The following EPHA6 variants were observed in gnomAD, a reference collection of about 807,000 sequenced individuals.
EPHA6 encodes the protein ephrin type-A receptor 6.
Under a neutral mutation model 112.0 loss-of-function variants are expected in EPHA6, and 50 were observed. The observed-to-expected ratio is 0.45, with a 90% CI of 0.36 to 0.56. The LOEUF (loss-of-function observed/expected upper bound fraction) is 0.56, where lower values mean the gene tolerates loss of function less well. EPHA6 is among the 20% of genes least tolerant of loss of function. The probability of loss-of-function intolerance (pLI) is 0.00; values close to 1 mark genes in which losing one functional copy is unlikely to be tolerated. For missense variants in EPHA6, 1,280 were observed against 1,417.4 expected, an observed-to-expected ratio of 0.90 and a Z score of 1.56; for synonymous variants, 529 against 490.7, an observed-to-expected ratio of 1.08 and a Z score of -1.03.
intron 5 of EPHA6, among the ~76,000 whole-genome samples, chr3:97,344,166 G>A (rs1265627608): frequency 1.3e-5 from 2 of 152,034 alleles, no homozygotes; most frequent in African/African-American, 4.8e-5. Context: ...ATTTAAATGA[G>A]ACTTTGGACT....
intron 2 of EPHA6, among the ~76,000 whole-genome samples, chr3:96,942,326 C>A (rs2041008055): frequency 6.6e-6 from 1 of 152,198 alleles, no homozygotes; most frequent in Non-Finnish European, 1.5e-5. Context: ...AGGCACCCCT[C>A]CCCCAGCCTT....
chr3:97,551,387 T>C (rs1334840322), intron 11 of EPHA6, among the ~76,000 whole-genome samples: 7 of 152,154 alleles, frequency 4.6e-5, no homozygotes, highest in Non-Finnish European at 1.0e-4. Context: ...GACATTTTCA[T>C]TGGGTTATAT....
intron 3 of EPHA6, among the ~76,000 whole-genome samples, chr3:96,999,237 G>A (rs1300788911): frequency 6.6e-6 from 1 of 151,758 alleles, no homozygotes; most frequent in Admixed American, 6.6e-5. Flanking sequence ...TTTTTTATTT[G>A]AAAAGTTTGT....
chr3:97,526,140 G>A (rs978130425), intron 10 of EPHA6, among the ~76,000 whole-genome samples: 2 of 152,154 alleles, frequency 1.3e-5, no homozygotes, highest in Non-Finnish European at 2.9e-5. Context: ...AAAAAGGTGG[G>A]GGCCAATTTA....
intron 13 of EPHA6, among the ~76,000 whole-genome samples, chr3:97,634,616 G>C (rs1056739430): frequency 6.6e-6 from 1 of 151,996 alleles, no homozygotes; most frequent in Non-Finnish European, 1.5e-5. Context: ...ACTCCCTAGG[G>C]AATGCTCTTG....
chr3:96,923,157 G>A (rs756705831), intron 2 of EPHA6, among the ~76,000 whole-genome samples: 1 of 152,128 alleles, frequency 6.6e-6, no homozygotes, highest in African/African-American at 2.4e-5. Flanking sequence ...TGTATACCCA[G>A]TAATGGGATT....
At chr3:97,746,350 A>G (rs917404325) in intron 16 of EPHA6, among the ~76,000 whole-genome samples, 11 of 151,828 alleles carry the variant, frequency 7.2e-5, no homozygotes, top group Non-Finnish European at 1.2e-4. Flanking sequence ...TTATTACCAT[A>G]GAGCTTTTGT....
Position 96,834,273 on chromosome 3 carries a change from A to G in EPHA6, c.385+19265A>G, listed in dbSNP as rs1576092120. On this transcript the variant is annotated intron_variant, in intron 1 of 17. Coordinates refer to ENST00000389672, the MANE Select transcript of EPHA6 (RefSeq NM_001080448.3). ...GAAAGAAAAATGTGATTCTCAATGC[A>G]TAGTGACCATAATGGGGAATCTGCA... 3.9e-5 allele frequency among the ~76,000 whole-genome samples: 6 copies of G among 152,158 alleles called. No homozygotes were observed. The East Asian group carries it at 1.2e-3, about 29-fold the overall frequency.
intron 11 of EPHA6, among the ~76,000 whole-genome samples, chr3:97,542,307 A>G (rs1009405262): frequency 2.0e-5 from 3 of 151,708 alleles, no homozygotes; most frequent in Non-Finnish European, 4.4e-5. Flanking sequence ...ATGTGTTCTC[A>G]TTGTTCAATT....
chr3:97,016,097 A>G lies in EPHA6; in HGVS notation c.1114+28104A>G, dbSNP rs137987539. Among the ~76,000 whole-genome samples the G allele has an allele frequency of 6.5e-3, 981 of 152,092 alleles. 8 individuals are homozygous for G. Among genetic ancestry groups the G allele is most frequent in the African/African-American group, 0.021 (888 of 41,514 alleles). ...TCTTAAAATATAAAAAGAAAATCCCAAAGTGGTGAATGAAACATTGAAGAT... is the reference window on the plus strand; with the variant it reads ...TCTTAAAATATAAAAAGAAAATCCCGAAGTGGTGAATGAAACATTGAAGAT... On this transcript the variant is annotated intron_variant, in intron 3 of 17. Transcript: ENST00000389672.
intron 2 of EPHA6, among the ~76,000 whole-genome samples, chr3:96,888,343 AG>A (rs1405712934): frequency 6.6e-6 from 1 of 152,160 alleles, no homozygotes; most frequent in Non-Finnish European, 1.5e-5. Flanking sequence ...TCCCACAAAC[AG>A]ACCTTCAGCT....
chr3:97,363,409 A>G (rs1559923288), intron 5 of EPHA6, among the ~76,000 whole-genome samples: 2 of 150,950 alleles, frequency 1.3e-5, no homozygotes, highest in African/African-American at 2.4e-5. Context: ...ACATCTCACA[A>G]ATTCCCCCTG....
chr3:96,838,314 G>T, intron 1 of EPHA6, among the ~76,000 whole-genome samples: 1 of 152,200 alleles, frequency 6.6e-6, no homozygotes, highest in South Asian at 2.1e-4. Flanking sequence ...GGACATTTAG[G>T]TTGATTCCCT....
At chr3:97,442,553 G>A (rs531616780) in intron 6 of EPHA6, among the ~76,000 whole-genome samples, 2 of 152,216 alleles carry the variant, frequency 1.3e-5, no homozygotes, top group Admixed American at 1.3e-4. Context: ...CTGGTTGACA[G>A]GACGAGACTC....
At chr3:97,251,318 C>T (rs1453712804) in intron 5 of EPHA6, among the ~76,000 whole-genome samples, 1 of 152,032 alleles carries the variant, frequency 6.6e-6, no homozygotes, top group Non-Finnish European at 1.5e-5. Context: ...ATCACGAGGT[C>T]AGGAGATCGA....
intron 5 of EPHA6, among the ~76,000 whole-genome samples, chr3:97,350,923 A>G (rs2083780445): frequency 6.6e-6 from 1 of 152,192 alleles, no homozygotes; most frequent in South Asian, 2.1e-4. Context: ...ATGAAATTGA[A>G]ATATGAGATG....
intron 11 of EPHA6, among the ~76,000 whole-genome samples, chr3:97,543,416 A>G (rs538104207): frequency 1.3e-5 from 2 of 152,204 alleles, no homozygotes; most frequent in Non-Finnish European, 2.9e-5. Context: ...GATATGCAGC[A>G]TTATTTCTGA....
At chr3:96,971,942 A>G (rs987894255) in intron 2 of EPHA6, among the ~76,000 whole-genome samples, 1 of 152,176 alleles carries the variant, frequency 6.6e-6, no homozygotes, top group Admixed American at 6.6e-5. Flanking sequence ...ACTACAAAAC[A>G]TTGAGAACAT....
At chr3:97,554,547 C>T (rs2093075106) in intron 11 of EPHA6, among the ~76,000 whole-genome samples, 1 of 151,966 alleles carries the variant, frequency 6.6e-6, no homozygotes, top group Non-Finnish European at 1.5e-5. Flanking sequence ...CAATACAAAG[C>T]TTTTTGGTGG....
Sources: gnomAD v4.1 joint callset for allele counts (sites outside exome capture counted in the v4.1 genomes callset) on GRCh38, gnomAD v4.1.1 for gene constraint, MANE v1.5 for transcripts, NCBI Gene and HGNC (gene_info 2026-07-23, HGNC 2026-07-21) for gene names.